TNNT3: variants seen among roughly 807,000 people sequenced by gnomAD.
TNNT3 encodes the protein troponin T3, fast skeletal type.
Under a neutral mutation model 54.2 loss-of-function variants are expected in TNNT3, and 36 were observed. The observed-to-expected ratio is 0.66, with a 90% CI of 0.51 to 0.88. The LOEUF is 0.88. TNNT3 is among the 40% of genes least tolerant of loss of function. The pLI, the probability that TNNT3 is intolerant of heterozygous loss-of-function variation, is 0.00. For missense variants in TNNT3, 291 were observed against 331.6 expected, an observed-to-expected ratio of 0.88 and a Z score of 0.95; for synonymous variants, 120 against 109.7, an observed-to-expected ratio of 1.09 and a Z score of -0.59.
rs1265962345 is a variant in TNNT3 at position 1,934,602 on chromosome 11, G to T, written c.537G>T (p.Leu179=). 2 of 1,609,840 alleles carry T rather than the reference G, an allele frequency of 1.2e-6. No individual in the cohort carries two copies. Among genetic ancestry groups the T allele is most frequent in the African/African-American group, 2.7e-5 (2 of 74,794 alleles). Residue 179 remains leucine, a synonymous_variant, in exon 13 of 16, where the codon CTG becomes CTT. Transcript: ENST00000278317. ...QTAREMKKKI[L]AERRKPLNID... The stretch of plus-strand genomic sequence containing the variant: ...CCCGGGAAATGAAGAAGAAGATTCT[G>T]GCTGAGAGACGCAAGCCGCTCAACA...
chr11:1,926,169 G>A lies in TNNT3; in HGVS notation c.68-526G>A, dbSNP rs367772855. The stretch of plus-strand genomic sequence containing the variant: ...CAGGGGATGGGGGCGAGCAAAGGAA[G>A]GCCCAGCCCCAGTACTGAGCCTGCT... On this transcript the variant is annotated intron_variant, in intron 5 of 15. Coordinates refer to ENST00000278317, the MANE Select transcript of TNNT3 (RefSeq NM_006757.4). 1.3e-3 allele frequency among the ~76,000 whole-genome samples: 195 copies of A among 152,318 alleles called. 1 individual carries two copies. The highest frequency in any genetic ancestry group is 4.4e-3 in the African/African-American group (182 of 41,586).
chr11:1,925,375 G>A (rs984377013), intron 5 of TNNT3: 7 of 1,409,332 alleles, frequency 5.0e-6, no homozygotes, highest in South Asian at 1.2e-5. Context: ...GGGAAGCCAC[G>A]AGGTACCAGC....
chr11:1,923,476 A>G lies in TNNT3; in HGVS notation c.32-79A>G, dbSNP rs372946730. 9.4e-6 allele frequency: 14 copies of G among 1,488,656 alleles called. No individual in the cohort carries two copies. The Admixed American group carries it at 1.5e-4, about 16-fold the overall frequency. 92.2% of individuals were successfully genotyped at this position (1,488,656 alleles called of 1,614,324 possible). On this transcript the variant is annotated intron_variant, in intron 3 of 15. Coordinates refer to ENST00000278317, the MANE Select transcript of TNNT3 (RefSeq NM_006757.4). ...GCTGGCCTGTCCAGGGCCGGGACAC[A>G]CTGGCCTCTCATCCTCCTCCTCCCT...
In TNNT3 at chr11:1,933,852, T is replaced by C. The variant is rs1230583820; in HGVS notation, c.288+15T>C. Reference sequence around the variant, plus strand: ...AAGAGAGAATCGTGAGTGGGGCAGTTCAGGTTGCAGCAGGGGCTGGTGGAC... The same window carrying C: ...AAGAGAGAATCGTGAGTGGGGCAGTCCAGGTTGCAGCAGGGGCTGGTGGAC... On this transcript the variant is annotated intron_variant, in intron 10 of 15. Coordinates refer to ENST00000278317, the MANE Select transcript of TNNT3 (RefSeq NM_006757.4). 6.2e-7 allele frequency: 1 copy of C among 1,611,908 alleles called. No individual in the cohort carries two copies. Among genetic ancestry groups the C allele is most frequent in the African/African-American group, 1.3e-5 (1 of 74,850 alleles).
At chr11:1,927,839 CAGGG>C (rs1382547317) in intron 6 of TNNT3, 1 of 152,420 alleles carries the variant, frequency 6.6e-6, no homozygotes, top group Non-Finnish European at 1.5e-5. Context: ...TCAGGGAGGC[CAGGG>C]CGGGCAGCCC....
chr11:1,934,593 G>A lies in TNNT3; in HGVS notation c.528G>A (p.Lys176=), dbSNP rs1308465876. ...AGCAGACAGCCCGGGAAATGAAGAAGAAGATTCTGGCTGAGAGACGCAAGC... is the reference window on the plus strand; with the variant it reads ...AGCAGACAGCCCGGGAAATGAAGAAAAAGATTCTGGCTGAGAGACGCAAGC... ...GKKQTAREMK[K]KILAERRKPL... is the part of the protein sequence containing the mutation. The change falls in exon 13 of 16, where the codon AAG becomes AAA. Residue 176 remains lysine (K), a synonymous_variant. Coordinates refer to ENST00000278317, the MANE Select transcript of TNNT3 (RefSeq NM_006757.4). The A allele has an allele frequency of 6.2e-6, 10 of 1,609,998 alleles. No individual in the cohort carries two copies. Among genetic ancestry groups the A allele is most frequent in the African/African-American group, 1.3e-5 (1 of 74,910 alleles).
At chr11:1,936,178 G>T (rs375458836) in intron 14 of TNNT3, 8 of 1,613,282 alleles carry the variant, frequency 5.0e-6, no homozygotes, top group African/African-American at 1.3e-5. Flanking sequence ...TGCCCCAGCC[G>T]CCCATCCAGC....
At chr11:1,932,638 A>T in intron 9 of TNNT3, 124 bp downstream of exon 9, 2 of 878,774 alleles carry the variant, frequency 2.3e-6, no homozygotes, top group South Asian at 2.7e-5. Context: ...GGTCTGGGCA[A>T]TTCTACCATA....
intron 14 of TNNT3, chr11:1,936,385 CCCGCTCTCCCCTCGTG>C: frequency 9.9e-7 from 1 of 1,011,166 alleles, no homozygotes; most frequent in Non-Finnish European, 1.5e-6. Context: ...TCCTCCTGCC[CCCGCTCTCCCCTCGTG>C]CCTGCAGCCG....
Position 1,934,159 on chromosome 11 carries a change from C to G in TNNT3, c.366+151C>G, listed in dbSNP as rs867951694. 73 of 1,122,124 alleles carry G rather than the reference C, an allele frequency of 6.5e-5. No individual in the cohort carries two copies. In the Middle Eastern group the frequency reaches 1.7e-3, roughly 26 times the overall value. 69.5% of individuals were successfully genotyped at this position (1,122,124 alleles called of 1,614,324 possible). A position where few individuals can be genotyped will look rare whatever the true frequency, so the allele number is the denominator to read the frequency against. ...GCTAAGGCCCCGGCGCCCTGCAGAA[C>G]CCCTTGCCAGAAAACAAATCCTGGC... is the stretch of plus-strand genomic sequence containing the variant. On this transcript the variant is annotated intron_variant, in intron 11 of 15. Transcript: ENST00000278317.
chr11:1,925,514 A>T, intron 5 of TNNT3: 1 of 612,608 alleles, frequency 1.6e-6, no homozygotes, highest in Non-Finnish European at 2.9e-6. Flanking sequence ...AGGGCCAGGG[A>T]CTCCCCAGGC....
At chr11:1,920,383 C>G (rs1056030259) in intron 1 of TNNT3, among the ~76,000 whole-genome samples, 1 of 152,126 alleles carries the variant, frequency 6.6e-6, no homozygotes, top group Non-Finnish European at 1.5e-5. Flanking sequence ...AGGGGCTGGA[C>G]TGGGGCAGGA....
At position 1,938,525 on chromosome 11, in the gene TNNT3, C is replaced by T. The variant is rs1855810474; in HGVS notation, c.*33C>T. The T allele has an allele frequency of 6.2e-7, 1 of 1,609,546 alleles. No homozygotes were observed. The highest frequency in any genetic ancestry group is 1.3e-5 in the African/African-American group (1 of 74,848). On this transcript the variant is annotated 3_prime_UTR_variant, in exon 16 of 16. Transcript: ENST00000278317. The stretch of plus-strand genomic sequence containing the variant: ...AGAAAGGCCCCTCGAGGCAGAGACC[C>T]TCCGCCCTCTTGCACACCAGGGCCG...
chr11:1,925,018 T>A, intron 4 of TNNT3, 81 bp from the exon 5 acceptor site: 1 of 1,547,444 alleles, frequency 6.5e-7, no homozygotes, highest in Non-Finnish European at 8.9e-7. Flanking sequence ...CCTTGCGGCC[T>A]GAGTACACTC....
intron 7 of TNNT3, 68 bp downstream of exon 7, chr11:1,929,211 A>C: frequency 7.0e-6 from 11 of 1,573,458 alleles, no homozygotes; most frequent in Non-Finnish European, 9.6e-6. Context: ...GAAAGAGGAC[A>C]GGCTGGGGTC....
chr11:1,926,579 C>A (rs1038823697), intron 5 of TNNT3, 116 bp from the exon 6 acceptor site: 5 of 1,607,052 alleles, frequency 3.1e-6, no homozygotes, highest in Non-Finnish European at 4.3e-6. Context: ...CCTGCACAGC[C>A]TGGCCTGCTC....
rs772115660 is a variant in TNNT3, at chr11:1,932,479, C to T, written c.136C>T (p.Pro46Ser). Residue 46 changes from proline to serine, a missense_variant, in exon 9 of 16, where the codon CCT becomes TCT. By Grantham distance (74) the Pro-to-Ser change is moderately conservative. Coordinates refer to ENST00000278317, the MANE Select transcript of TNNT3 (RefSeq NM_006757.4). Reference sequence around the variant, plus strand: ...CTGTCTCCTCTTCAGACTCACTGCTCCTAAGATCCCAGAAGGGGAGAAAGT... The same window carrying T: ...CTGTCTCCTCTTCAGACTCACTGCTTCTAAGATCCCAGAAGGGGAGAAAGT... ...EEKPRPKLTA[P>S]KIPEGEKVDF... is the part of the protein sequence containing the mutation. 3.5e-5 allele frequency: 56 copies of T among 1,613,732 alleles called. No homozygotes were observed. Among genetic ancestry groups the T allele is most frequent in the Non-Finnish European group, 4.6e-5 (54 of 1,180,004 alleles).
intron 6 of TNNT3, among the ~76,000 whole-genome samples, chr11:1,927,161 T>A (rs890500745): frequency 1.3e-5 from 2 of 150,310 alleles, no homozygotes; most frequent in African/African-American, 4.9e-5. Flanking sequence ...GAAGGGAGGG[T>A]GGAGGGGCAA....
chr11:1,937,355 G>A (rs150089661), intron 15 of TNNT3, among the ~76,000 whole-genome samples: 76 of 152,246 alleles, frequency 5.0e-4, no homozygotes, highest in Middle Eastern at 3.4e-3. Context: ...TGGCCAACCT[G>A]GGCCCCAGGG....
Sources: gnomAD v4.1 joint callset for allele counts (sites outside exome capture counted in the v4.1 genomes callset) on GRCh38, gnomAD v4.1.1 for gene constraint, MANE v1.5 for transcripts, NCBI Gene and HGNC (gene_info 2026-07-23, HGNC 2026-07-21) for gene names.